LTBR: variants seen among roughly 807,000 people sequenced by gnomAD.
LTBR encodes the protein lymphotoxin beta receptor.
Under a neutral mutation model 45.4 loss-of-function variants are expected in LTBR, and 15 were observed. The observed-to-expected ratio is 0.33, with a 90% CI of 0.22 to 0.51. The LOEUF is 0.51. Ranked by LOEUF, LTBR falls within the 20% of genes least tolerant of loss-of-function variation. The pLI, the probability that LTBR is intolerant of heterozygous loss-of-function variation, is 0.97. For missense variants in LTBR, 450 were observed against 565.5 expected (o/e 0.80, Z 2.07); for synonymous variants, 228 against 231.0 (o/e 0.99, Z 0.12).
In LTBR at chr12:6,390,700, C is replaced by T; in HGVS notation, c.1071C>T (p.Ile357=). 1 of 1,498,740 alleles carries T rather than the reference C, an allele frequency of 6.7e-7. No homozygotes were observed. Among genetic ancestry groups the T allele is most frequent in the Non-Finnish European group, 8.9e-7 (1 of 1,124,314 alleles). 92.8% of individuals were successfully genotyped at this position (1,498,740 alleles called of 1,614,324 possible). Residue 357 remains isoleucine, a synonymous_variant, in exon 10 of 10, where the codon ATC becomes ATT. Transcript: ENST00000228918. The stretch of plus-strand genomic sequence containing the variant: ...ATGTCACCGGCGGGTCTATGACTAT[C>T]ACTGGCAACATCTACATCTACAATG... ...GIHVTGGSMT[I]TGNIYIYNGP... is the part of the protein sequence containing the mutation.
chr12:6,386,288 G>T lies in LTBR; in HGVS notation c.570-59G>T. On this transcript the variant is annotated intron_variant, in intron 5 of 9. Coordinates refer to ENST00000228918, the MANE Select transcript of LTBR (RefSeq NM_002342.3). The surrounding 1 kb of genome is among the most constrained non-coding windows in gnomAD (Gnocchi z 4.1). Reference sequence around the variant, plus strand: ...TTTCAGCCTCCCCGCCTGCCCAGTGGAGTCGGGACACTGGTGGGCCAGGGC... The same window carrying T: ...TTTCAGCCTCCCCGCCTGCCCAGTGTAGTCGGGACACTGGTGGGCCAGGGC... 6.6e-7 allele frequency: 1 copy of T among 1,517,566 alleles called. No individual in the cohort carries two copies. The highest frequency in any genetic ancestry group is 1.7e-5 in the Admixed American group (1 of 59,096). The allele number at this position is 1,517,566 out of a possible 1,614,324, so 94.0% of individuals were successfully genotyped here.
chr12:6,383,522 C>G (rs1949004165), upstream of LTBR, among the ~76,000 whole-genome samples: 1 of 152,142 alleles, frequency 6.6e-6, no homozygotes. Flanking sequence ...CCAGGACTCC[C>G]CTCCGCATAT....
chr12:6,377,212 C>A (rs753197542), intron 1 of LTBR: 3 of 1,530,928 alleles, frequency 2.0e-6, no homozygotes, highest in Non-Finnish European at 2.7e-6. Flanking sequence ...AAGTGAAAGC[C>A]GGTGTCAACC....
Position 6,386,471 on chromosome 12 carries a change from G to GGGT in LTBR, c.667+29_667+30insTGG. 6.4e-7 allele frequency: 1 copy of GGGT among 1,571,060 alleles called. No homozygotes were observed. The highest frequency in any genetic ancestry group is 8.8e-7 in the Non-Finnish European group (1 of 1,142,302). ...TGAGGGACCAGGGCTGAGGGACACG[G>GGGT]GGGGGGCGCCTCTGAAAATGCCTTA... On this transcript the variant is annotated intron_variant, in intron 6 of 9. Coordinates refer to ENST00000228918, the MANE Select transcript of LTBR (RefSeq NM_002342.3). The surrounding 1 kb of genome is among the most constrained non-coding windows in gnomAD (Gnocchi z 4.1).
At chr12:6,387,421 T>A (rs1949062194) in intron 6 of LTBR, 1 of 152,006 alleles carries the variant, frequency 6.6e-6, no homozygotes. Flanking sequence ...ACAACTGGCA[T>A]TTTAGAGCTG....
chr12:6,375,519 G>T (rs545108113), exon 1 of LTBR: 1 of 1,535,360 alleles, frequency 6.5e-7, no homozygotes, highest in Non-Finnish European at 8.7e-7. Flanking sequence ...CAGGTGCAGC[G>T]GCCTGGCTGG....
Position 6,385,260 on chromosome 12 carries a change from G to A in LTBR, c.353G>A (p.Ser118Asn), listed in dbSNP as rs200343421. 1.1e-5 allele frequency: 17 copies of A among 1,613,968 alleles called. No individual in the cohort carries two copies. In the Admixed American group the frequency reaches 1.7e-4, roughly 16 times the overall value. Residue 118 changes from serine (S) to asparagine (N), a missense_variant, in exon 4 of 10, where the codon AGC (serine) becomes AAC (asparagine). Ser to Asn is a conservative substitution (Grantham distance 46). Around this residue, in one of 3 missense-constraint regions of LTBR, gnomAD observed 367 missense variants for 435.4 expected, o/e 0.84. Coordinates refer to ENST00000228918, the MANE Select transcript of LTBR (RefSeq NM_002342.3). ...MGLEEIAPCT[S>N]KRKTQCRCQP... ...CTCGAGGAGATTGCCCCCTGCACAA[G>A]CAAACGGAAGACCCAGTGCCGCTGC...
chr12:6,390,993 G>A lies in LTBR; in HGVS notation c.*56G>A, dbSNP rs1381242834. On this transcript the variant is annotated 3_prime_UTR_variant, in exon 10 of 10. Coordinates refer to ENST00000228918, the MANE Select transcript of LTBR (RefSeq NM_002342.3). Reference sequence around the variant, plus strand: ...GCACAAGGGCACCTTCTCCCTTGAGGCTGCCCTGCCCACGTGGGATTCACA... The same window carrying A: ...GCACAAGGGCACCTTCTCCCTTGAGACTGCCCTGCCCACGTGGGATTCACA... The A allele has an allele frequency of 1.4e-6, 2 of 1,480,212 alleles. No homozygotes were observed. The highest frequency in any genetic ancestry group is 1.4e-5 in the South Asian group (1 of 69,120). The allele number at this position is 1,480,212 out of a possible 1,614,324, so 91.7% of individuals were successfully genotyped here.
chr12:6,388,710 G>C lies in LTBR; in HGVS notation c.776-90G>C. The C allele has an allele frequency of 6.5e-6, 10 of 1,542,040 alleles. No homozygotes were observed. The highest frequency in any genetic ancestry group is 7.2e-6 in the Non-Finnish European group (8 of 1,116,886). Reference sequence around the variant, plus strand: ...TTCCTCTGGGCCCCCGGGTGGTCAAGTTGCTACACATTGTGCTGGGATGTG... The same window carrying C: ...TTCCTCTGGGCCCCCGGGTGGTCAACTTGCTACACATTGTGCTGGGATGTG... On this transcript the variant is annotated intron_variant, in intron 7 of 9. Coordinates refer to ENST00000228918, the MANE Select transcript of LTBR (RefSeq NM_002342.3). This position sits in a 1 kb window ranked among gnomAD's most constrained non-coding sequence, Gnocchi z 4.3.
chr12:6,388,758 G>A lies in LTBR; in HGVS notation c.776-42G>A. On this transcript the variant is annotated intron_variant, in intron 7 of 9. Coordinates refer to ENST00000228918, the MANE Select transcript of LTBR (RefSeq NM_002342.3). The surrounding 1 kb of genome is among the most constrained non-coding windows in gnomAD (Gnocchi z 4.3). ...GTGGAGGCTGAAAGGCTAGGTCTGAGGCCTGCCGGGGAGCCTACACCCATT... is the reference window on the plus strand; with the variant it reads ...GTGGAGGCTGAAAGGCTAGGTCTGAAGCCTGCCGGGGAGCCTACACCCATT... 6.2e-7 allele frequency: 1 copy of A among 1,613,740 alleles called. No individual in the cohort carries two copies. Among genetic ancestry groups the A allele is most frequent in the Non-Finnish European group, 8.5e-7 (1 of 1,179,780 alleles).
intron 6 of LTBR, chr12:6,387,652 G>A (rs1410964880): frequency 2.8e-5 from 7 of 247,476 alleles, no homozygotes; most frequent in Admixed American, 5.4e-5. Context: ...GAGTCCTCCC[G>A]CCCTTCCCCA....
At chr12:6,377,424 C>A (rs1948930060) in intron 1 of LTBR, 1 of 695,104 alleles carries the variant, frequency 1.4e-6, no homozygotes, top group Non-Finnish European at 2.4e-6. Context: ...CTGGGGCTAT[C>A]TACTTAGCGC....
Position 6,384,388 on chromosome 12 carries a change from CGGCCT to C in LTBR, c.38_42del (p.Ala13GlyfsTer38). The C allele has an allele frequency of 6.5e-7, 1 of 1,537,550 alleles. No individual in the cohort carries two copies. Among genetic ancestry groups the C allele is most frequent in the South Asian group, 1.2e-5 (1 of 84,018 alleles). On this transcript the variant is annotated frameshift_variant, in exon 1 of 10. Transcript: ENST00000228918. LOFTEE classifies it high-confidence loss of function. ...TCCTGCCTTGGGCCACCTCTGCCCC[CGGCCT>C]GGCCTGGGGGCCTCTGGTGCTGGGC...
At chr12:6,379,881 C>G (rs1948964094), upstream of LTBR, among the ~76,000 whole-genome samples, 1 of 148,706 alleles carries the variant, frequency 6.7e-6, no homozygotes, top group African/African-American at 2.5e-5. Flanking sequence ...TTGGAGTGAG[C>G]CAAGATCGTG....
At chr12:6,385,860 G>A (rs915591734) in intron 4 of LTBR, 17 of 450,928 alleles carry the variant, frequency 3.8e-5, no homozygotes, top group African/African-American at 8.6e-5. Flanking sequence ...AGCCGAGATC[G>A]CGCCACTGCA....
rs200722421 is a variant in LTBR at position 6,386,058 on chromosome 12, C to G, written c.473-8C>G. The G allele has an allele frequency of 1.6e-4, 264 of 1,609,902 alleles. 1 individual carries two copies. The African/African-American group carries it at 3.3e-3, about 20-fold the overall frequency. On this transcript the variant is annotated splice_polypyrimidine_tract_variant and splice_region_variant and intron_variant, in intron 4 of 9. Transcript: ENST00000228918. This position sits in a 1 kb window ranked among gnomAD's most constrained non-coding sequence, Gnocchi z 4.1. Reference sequence around the variant, plus strand: ...TTCACCCTGGCTGGCCTGCCTTTCTCTTGCCAGATGAAGTTGGGAAGGGTA... The same window carrying G: ...TTCACCCTGGCTGGCCTGCCTTTCTGTTGCCAGATGAAGTTGGGAAGGGTA...
In LTBR at chr12:6,384,463, G is replaced by A. The variant is rs753917025; in HGVS notation, c.96+9G>A. On this transcript the variant is annotated intron_variant, in intron 1 of 9. Transcript: ENST00000228918. ...CATCGCAGCCCCAGGCGGTGAGGAA[G>A]GGGCCTGGTAGGAGTGGGCGAGGGT... 3 of 1,562,678 alleles carry A rather than the reference G, an allele frequency of 1.9e-6. No homozygotes were observed. The highest frequency in any genetic ancestry group is 2.6e-6 in the Non-Finnish European group (3 of 1,155,070).
At chr12:6,375,289 C>T, upstream of LTBR, 4 of 1,438,946 alleles carry the variant, frequency 2.8e-6, no homozygotes, top group South Asian at 6.0e-5. Context: ...TGCCTCTCTT[C>T]CTCTCCCCCC....
chr12:6,383,143 C>T (rs1949001266), upstream of LTBR, among the ~76,000 whole-genome samples: 2 of 152,162 alleles, frequency 1.3e-5, no homozygotes, highest in Non-Finnish European at 2.9e-5. Flanking sequence ...TTCACGGGGA[C>T]TGTGCAACCT....
Sources: gnomAD v4.1 joint callset for allele counts (sites outside exome capture counted in the v4.1 genomes callset) on GRCh38, gnomAD v4.1.1 for gene constraint, gnomAD v4.1.1 regional missense constraint, Gnocchi (gnomAD v3.1) non-coding constraint, MANE v1.5 for transcripts, NCBI Gene and HGNC (gene_info 2026-07-23, HGNC 2026-07-21) for gene names.